The following RUNX2 variants were observed in gnomAD, a reference collection of about 807,000 sequenced individuals.
The protein encoded by RUNX2 is RUNX family transcription factor 2.
In RUNX2, 10 loss-of-function variants were observed where a neutral mutation model predicts 51.7. The observed-to-expected ratio is 0.19, with a 90% CI of 0.12 to 0.33. The LOEUF is 0.33. RUNX2 is among the 10% of genes least tolerant of loss of function. The pLI, the probability that RUNX2 is intolerant of heterozygous loss-of-function variation, is 1.00. For missense variants in RUNX2, 562 were observed against 691.3 expected, an observed-to-expected ratio of 0.81 and a Z score of 2.10; for synonymous variants, 276 against 273.6, an observed-to-expected ratio of 1.01 and a Z score of -0.09.
chr6:45,521,155 T>C (rs1182593600), intron 7 of RUNX2, among the ~76,000 whole-genome samples: 1 of 152,096 alleles, frequency 6.6e-6, no homozygotes, highest in Non-Finnish European at 1.5e-5. Context: ...TGCTTAAGAA[T>C]GTTTAATGAA....
At chr6:45,384,869 TTTTTAAAAAAA>T (rs1797317894) in intron 2 of RUNX2, among the ~76,000 whole-genome samples, 1 of 151,952 alleles carries the variant, frequency 6.6e-6, no homozygotes, top group Non-Finnish European at 1.5e-5. Flanking sequence ...CCCTGTTAAT[TTTTTAAAAAAA>T]TTTTATGGAG....
At chr6:45,373,502 G>T (rs1006805248) in intron 2 of RUNX2, among the ~76,000 whole-genome samples, 1 of 152,046 alleles carries the variant, frequency 6.6e-6, no homozygotes, top group African/African-American at 2.4e-5. Flanking sequence ...AATATATTGT[G>T]ACCAGATCAA....
At chr6:45,337,919 A>G (rs1788930216) in intron 2 of RUNX2, among the ~76,000 whole-genome samples, 1 of 152,038 alleles carries the variant, frequency 6.6e-6, no homozygotes, top group Admixed American at 6.6e-5. Flanking sequence ...ACTTTAAGAA[A>G]CAAAACTCCT....
intron 2 of RUNX2, among the ~76,000 whole-genome samples, chr6:45,382,747 T>C (rs976785758): frequency 6.6e-6 from 1 of 152,212 alleles, no homozygotes; most frequent in African/African-American, 2.4e-5. Context: ...TCGTAAGATT[T>C]AGGCTTTAAA....
intron 2 of RUNX2, among the ~76,000 whole-genome samples, chr6:45,372,631 G>A (rs1796242730): frequency 6.6e-6 from 1 of 152,076 alleles, no homozygotes; most frequent in Non-Finnish European, 1.5e-5. Context: ...CATCTTTTCA[G>A]TAACTCCTAC....
At chr6:45,538,011 G>A (rs1387935057) in intron 7 of RUNX2, among the ~76,000 whole-genome samples, 3 of 152,118 alleles carry the variant, frequency 2.0e-5, no homozygotes, top group Non-Finnish European at 1.5e-5. Flanking sequence ...TATAAATAAC[G>A]TTTTAACTTA....
intron 2 of RUNX2, among the ~76,000 whole-genome samples, chr6:45,354,480 T>A (rs1792721401): frequency 6.6e-6 from 1 of 152,134 alleles, no homozygotes; most frequent in Non-Finnish European, 1.5e-5. Context: ...GATCTTCTTT[T>A]TTGCTCATCT....
At chr6:45,381,219 C>T (rs894646319) in intron 2 of RUNX2, among the ~76,000 whole-genome samples, 4 of 152,126 alleles carry the variant, frequency 2.6e-5, no homozygotes, top group South Asian at 2.1e-4. Context: ...TTACTCAGCC[C>T]GGTAGTACCT....
At chr6:45,438,902 C>T (rs1039013294) in intron 5 of RUNX2, among the ~76,000 whole-genome samples, 17 of 152,134 alleles carry the variant, frequency 1.1e-4, no homozygotes, top group African/African-American at 3.9e-4. Flanking sequence ...AGAACTCTGC[C>T]TTTGCTGAGT....
chr6:45,514,770 A>C (rs1801267682), intron 7 of RUNX2, among the ~76,000 whole-genome samples: 2 of 151,882 alleles, frequency 1.3e-5, no homozygotes, highest in Non-Finnish European at 2.9e-5. Context: ...TTCCCTGGGG[A>C]CTAGTCCTGG....
At chr6:45,374,659 T>C (rs1289906994) in intron 2 of RUNX2, among the ~76,000 whole-genome samples, 1 of 135,692 alleles carries the variant, frequency 7.4e-6, no homozygotes, top group Non-Finnish European at 1.8e-5. Context: ...AACCTCACCA[T>C]AAAATAAAAT....
chr6:45,405,643 G>C (rs1314907257), intron 2 of RUNX2, among the ~76,000 whole-genome samples: 3 of 152,114 alleles, frequency 2.0e-5, no homozygotes, highest in African/African-American at 7.2e-5. Flanking sequence ...ACAAAAATTA[G>C]CCGGGCGGTG....
chr6:45,425,562 C>T (rs554330201), intron 3 of RUNX2, among the ~76,000 whole-genome samples: 1 of 152,210 alleles, frequency 6.6e-6, no homozygotes, highest in East Asian at 1.9e-4. Flanking sequence ...TATCAACATA[C>T]CTGTGTTAAA....
rs10552936 is a variant in RUNX2 at position 45,457,609 on chromosome 6, TAA to T, written c.685+19561_685+19562del. ...TGGCACATGCTTTGCCTTAAGCTAC[TAA>T]AAGTCTACCTGAAAATGCAATTTGA... On this transcript the variant is annotated intron_variant, in intron 5 of 8. Coordinates refer to ENST00000647337, the MANE Select transcript of RUNX2 (RefSeq NM_001024630.4). Among the ~76,000 whole-genome samples, 967 of 152,344 alleles carry T rather than the reference TAA, an allele frequency of 6.3e-3. 9 individuals are homozygous for T. Among genetic ancestry groups the T allele is most frequent in the African/African-American group, 0.022 (905 of 41,572 alleles).
chr6:45,523,449 T>C (rs563459822), intron 7 of RUNX2, among the ~76,000 whole-genome samples: 1 of 151,900 alleles, frequency 6.6e-6, no homozygotes, highest in Non-Finnish European at 1.5e-5. Flanking sequence ...ACAAAAATTA[T>C]TAGTAGAGAC....
At chr6:45,336,381 A>T (rs1017284602) in intron 2 of RUNX2, among the ~76,000 whole-genome samples, 2 of 151,404 alleles carry the variant, frequency 1.3e-5, no homozygotes, top group Admixed American at 1.3e-4. Context: ...AAACACATAA[A>T]GTGATCTGTT....
At chr6:45,464,855 T>C (rs973148881) in intron 5 of RUNX2, among the ~76,000 whole-genome samples, 7 of 152,204 alleles carry the variant, frequency 4.6e-5, no homozygotes, top group Non-Finnish European at 1.0e-4. Flanking sequence ...CTCTGGTGGG[T>C]GTGAATCACA....
chr6:45,516,349 A>T (rs528455025), intron 7 of RUNX2, among the ~76,000 whole-genome samples: 1 of 152,324 alleles, frequency 6.6e-6, no homozygotes, highest in South Asian at 2.1e-4. Flanking sequence ...TTTGTAATTG[A>T]ATGAGAAGTT....
intron 2 of RUNX2, among the ~76,000 whole-genome samples, chr6:45,352,031 C>G (rs1792162147): frequency 1.3e-5 from 2 of 152,160 alleles, no homozygotes; most frequent in Admixed American, 1.3e-4. Flanking sequence ...CAAATCTTTG[C>G]CATCCCAACC....
Sources: gnomAD v4.1 joint callset for allele counts (sites outside exome capture counted in the v4.1 genomes callset) on GRCh38, gnomAD v4.1.1 for gene constraint, MANE v1.5 for transcripts, NCBI Gene and HGNC (gene_info 2026-07-23, HGNC 2026-07-21) for gene names.